Variants in MAN1A1 observed in about 807,000 individuals in gnomAD.
The protein encoded by MAN1A1 is mannosyl-oligosaccharide 1,2-alpha-mannosidase IA.
MAN1A1 carries 29 observed loss-of-function variants against 70.8 expected under a neutral mutation model. That is an observed-to-expected ratio of 0.41 (90% CI 0.31 to 0.56). The LOEUF is 0.56. MAN1A1 is among the 20% of genes least tolerant of loss of function. The pLI, the probability that MAN1A1 is intolerant of heterozygous loss-of-function variation, is 0.29. For missense variants in MAN1A1, 747 were observed against 841.3 expected (o/e 0.89, Z 1.39); for synonymous variants, 349 against 330.1 (o/e 1.06, Z -0.62).
intron 5 of MAN1A1, among the ~76,000 whole-genome samples, chr6:119,276,119 C>G (rs6569064): frequency 0.041 from 6,292 of 152,298 alleles, 149 homozygotes; most frequent in African/African-American, 0.054. Context: ...AAGTTCCTCT[C>G]TTTAGAATGT....
At chr6:119,331,951 G>A (rs755890058) in intron 2 of MAN1A1, 8 of 510,532 alleles carry the variant, frequency 1.6e-5, no homozygotes, top group Admixed American at 1.2e-4. Context: ...TTTCAACCTC[G>A]CAGGAGCTGC....
chr6:119,271,771 T>G (rs1775931545), intron 5 of MAN1A1, among the ~76,000 whole-genome samples: 1 of 152,164 alleles, frequency 6.6e-6, no homozygotes, highest in Non-Finnish European at 1.5e-5. Context: ...CCCAAAATGC[T>G]GGGATTACAG....
chr6:119,329,144 T>C, intron 2 of MAN1A1, among the ~76,000 whole-genome samples: 1 of 152,166 alleles, frequency 6.6e-6, no homozygotes, highest in East Asian at 1.9e-4. Context: ...TGGCCATAGA[T>C]GATTAGACAC....
intron 2 of MAN1A1, among the ~76,000 whole-genome samples, chr6:119,346,689 A>C (rs1773738030): frequency 1.3e-5 from 2 of 152,208 alleles, no homozygotes; most frequent in Admixed American, 1.3e-4. Flanking sequence ...CTCTGAATGC[A>C]CTTGTAATCA....
intron 4 of MAN1A1, among the ~76,000 whole-genome samples, chr6:119,299,015 A>T (rs1772311280): frequency 6.6e-6 from 1 of 151,410 alleles, no homozygotes; most frequent in Non-Finnish European, 1.5e-5. Context: ...ATTTAGTATA[A>T]TTTTTCTTTT....
chr6:119,347,577 G>A lies in MAN1A1; in HGVS notation c.603+886C>T, dbSNP rs558936878. Among the ~76,000 whole-genome samples the A allele has an allele frequency of 2.0e-5, 3 of 152,276 alleles. No homozygotes were observed. The East Asian group carries it at 5.8e-4, about 29-fold the overall frequency. Reference sequence around the variant, plus strand: ...CAGACCGCGTGGTGACAGGTGACTGGGGGAAGTTCGGACCTCGGGCTTCAA... The same window carrying A: ...CAGACCGCGTGGTGACAGGTGACTGAGGGAAGTTCGGACCTCGGGCTTCAA... On this transcript the variant is annotated intron_variant, in intron 2 of 12. Coordinates refer to ENST00000368468, the MANE Select transcript of MAN1A1 (RefSeq NM_005907.4).
At chr6:119,203,802 C>T (rs890173656) in intron 7 of MAN1A1, among the ~76,000 whole-genome samples, 9 of 152,044 alleles carry the variant, frequency 5.9e-5, no homozygotes, top group African/African-American at 1.7e-4. Flanking sequence ...GTCTATCGGG[C>T]CTCTTAGTGG....
chr6:119,306,190 GT>G (rs541924446), intron 3 of MAN1A1, among the ~76,000 whole-genome samples: 42 of 152,216 alleles, frequency 2.8e-4, no homozygotes, highest in African/African-American at 9.4e-4. Flanking sequence ...CCTTCATCCT[GT>G]TACTTACAGA....
intron 6 of MAN1A1, among the ~76,000 whole-genome samples, chr6:119,228,920 T>C (rs1463364535): frequency 2.6e-5 from 4 of 152,142 alleles, no homozygotes; most frequent in African/African-American, 7.2e-5. Context: ...CGTTCAATTC[T>C]CTCATTGAGG....
intron 8 of MAN1A1, among the ~76,000 whole-genome samples, chr6:119,197,395 C>T (rs188501082): frequency 6.6e-6 from 1 of 152,094 alleles, no homozygotes; most frequent in Non-Finnish European, 1.5e-5. Flanking sequence ...TAAACACCTA[C>T]TAGGTGCAAG....
intron 2 of MAN1A1, among the ~76,000 whole-genome samples, chr6:119,321,941 T>C (rs1773022498): frequency 6.6e-6 from 1 of 152,042 alleles, no homozygotes; most frequent in South Asian, 2.1e-4. Flanking sequence ...CTTTGAGCAA[T>C]GGTAAAAATG....
chr6:119,279,049 T>G (rs1422740856), intron 5 of MAN1A1, among the ~76,000 whole-genome samples: 1 of 152,138 alleles, frequency 6.6e-6, no homozygotes, highest in African/African-American at 2.4e-5. Context: ...AGATAGACTC[T>G]GGCAAAATCC....
chr6:119,209,660 G>C (rs1057089091), intron 6 of MAN1A1, among the ~76,000 whole-genome samples: 2 of 152,178 alleles, frequency 1.3e-5, no homozygotes, highest in African/African-American at 2.4e-5. Flanking sequence ...AAAGTGAATT[G>C]ATTTTTAGAT....
chr6:119,217,673 T>A (rs934615767), intron 6 of MAN1A1, among the ~76,000 whole-genome samples: 5 of 152,202 alleles, frequency 3.3e-5, no homozygotes, highest in African/African-American at 1.2e-4. Context: ...ATTAAAAAAA[T>A]TTACACAAGT....
rs1343158570 is a variant in MAN1A1 at position 119,180,384 on chromosome 6, A to G, written c.1763T>C (p.Leu588Pro). Residue 588 changes from leucine to proline, a missense_variant, in exon 12 of 13, where the codon CTA becomes CCA. Physicochemically the swap from Leu to Pro is moderately conservative, Grantham distance 98. This residue lies in a region of MAN1A1 where 419 missense variants were observed against 548.2 expected (regional missense o/e 0.76). Transcript: ENST00000368468. ...HCRVNGGYSG[L>P]RDVYLLHESY... ...CTCATGAAGAAGGTAAACATCCCTT[A>G]GGCCTGAATAGCCTCCATTCACTCT... is the stretch of plus-strand genomic sequence containing the variant. 1 of 1,613,886 alleles carries G rather than the reference A, an allele frequency of 6.2e-7. No individual in the cohort carries two copies.
chr6:119,240,573 T>C (rs1774977162), intron 6 of MAN1A1, among the ~76,000 whole-genome samples: 1 of 152,172 alleles, frequency 6.6e-6, no homozygotes, highest in Non-Finnish European at 1.5e-5. Context: ...AAAACCCATT[T>C]ACCTGAGTGT....
intron 5 of MAN1A1, among the ~76,000 whole-genome samples, chr6:119,257,474 T>C (rs577360906): frequency 5.2e-4 from 79 of 152,244 alleles, no homozygotes; most frequent in African/African-American, 1.9e-3. Flanking sequence ...TATGGGACTT[T>C]TCTGAGTGTA....
intron 6 of MAN1A1, among the ~76,000 whole-genome samples, chr6:119,247,951 G>A (rs767412553): frequency 2.4e-4 from 36 of 152,218 alleles, no homozygotes; most frequent in East Asian, 7.7e-4. Flanking sequence ...AAAAGATAAC[G>A]GGACTCTTTT....
intron 6 of MAN1A1, among the ~76,000 whole-genome samples, chr6:119,236,502 A>G (rs1774848074): frequency 6.6e-6 from 1 of 151,990 alleles, no homozygotes; most frequent in African/African-American, 2.4e-5. Context: ...GCTGGTGTCG[A>G]ACTCCTGACC....
Sources: allele counts gnomAD v4.1 joint callset (sites outside exome capture counted in the v4.1 genomes callset), GRCh38; gene constraint gnomAD v4.1.1; regional missense constraint gnomAD v4.1.1; transcripts MANE v1.5; gene names NCBI Gene and HGNC (gene_info 2026-07-23, HGNC 2026-07-21).